Variants in SLC9A7 observed in about 807,000 individuals in gnomAD.
SLC9A7 encodes the protein sodium/hydrogen exchanger 7.
SLC9A7 carries 19 observed loss-of-function variants against 52.6 expected under a neutral mutation model. The ratio of observed to expected loss-of-function variants is 0.36; its 90% CI spans 0.25 to 0.53. The LOEUF (loss-of-function observed/expected upper bound fraction) is 0.53. Among genes scored for constraint, SLC9A7 ranks in the 20% least tolerant of loss-of-function variants. SLC9A7 has a pLI of 0.91. For synonymous variants in SLC9A7, 226 were observed against 252.1 expected (o/e 0.90, Z 0.98); for missense variants, 455 against 597.9 (o/e 0.76, Z 2.49).
chrX:46,649,597 C>A (rs888995522), intron 10 of SLC9A7, among the ~76,000 whole-genome samples: 6 of 112,042 alleles, frequency 5.4e-5, no homozygotes. Flanking sequence ...AGAAGGGAAC[C>A]CCTGTGGGAG....
At chrX:46,633,336 T>TAAAAAACAAAAAAAAA (rs1943253910) in intron 13 of SLC9A7, among the ~76,000 whole-genome samples, 1 of 8,112 alleles carries the variant, frequency 1.2e-4, no homozygotes, top group Non-Finnish European at 2.5e-4. Context: ...TTGCTGCTGC[T>TAAAAAACAAAAAAAAA]AAAAAAAAAA....
intron 5 of SLC9A7, 143 bp from the exon 6 acceptor site, chrX:46,662,786 A>C (rs897002734): frequency 4.5e-6 from 2 of 443,129 alleles, no homozygotes; most frequent in African/African-American, 4.9e-5. Context: ...AGACTTATCT[A>C]TCTGTGGCAG....
At chrX:46,610,333 A>G (rs1660074511) in intron 16 of SLC9A7, among the ~76,000 whole-genome samples, 2 of 112,713 alleles carry the variant, frequency 1.8e-5, no homozygotes, top group South Asian at 7.3e-4. Context: ...GTTTAACGTT[A>G]GTGGAAATAA....
At chrX:46,661,912 C>G in intron 7 of SLC9A7, 104 bp downstream of exon 7, 1 of 747,450 alleles carries the variant, frequency 1.3e-6, no homozygotes, top group Non-Finnish European at 1.9e-6. Context: ...GTGGAACACT[C>G]AATGTAAAAT....
At chrX:46,626,112 G>A (rs996201697) in intron 14 of SLC9A7, among the ~76,000 whole-genome samples, 10 of 111,527 alleles carry the variant, frequency 9.0e-5, no homozygotes, top group African/African-American at 3.3e-4. Flanking sequence ...TTCAAGACCA[G>A]CCCCAACATG....
intron 1 of SLC9A7, among the ~76,000 whole-genome samples, chrX:46,688,512 G>A (rs1044902549): frequency 3.7e-5 from 4 of 108,354 alleles, no homozygotes; most frequent in East Asian, 2.9e-4. Flanking sequence ...CAGGAGAATC[G>A]CTTGAACCTG....
intron 1 of SLC9A7, among the ~76,000 whole-genome samples, chrX:46,753,944 C>T (rs1922429885): frequency 9.2e-6 from 1 of 109,257 alleles, no homozygotes; most frequent in Admixed American, 9.8e-5. Context: ...AGAGATCGCA[C>T]CACTGCACTC....
At chrX:46,689,132 T>TATCTCTTCACA (rs2146887617) in intron 1 of SLC9A7, among the ~76,000 whole-genome samples, 1 of 112,239 alleles carries the variant, frequency 8.9e-6, no homozygotes, top group South Asian at 3.7e-4. Context: ...TCTCTTGTAC[T>TATCTCTTCACA]ATCTCTTCAC....
chrX:46,620,978 T>C lies in SLC9A7; in HGVS notation c.1822A>G (p.Asn608Asp). 8.4e-7 allele frequency: 1 copy of C among 1,191,705 alleles called. No individual in the cohort carries two copies. The highest frequency in any genetic ancestry group is 1.1e-6 in the Non-Finnish European group (1 of 879,689). ...IFRLWYSFDH[N>D]YLKPILTHSG... ...AGGGGATGCTACTTAAAAGGATACTTGTGATCAAAGCTGTACCACAGCCTG... is the reference window on the plus strand; with the variant it reads ...AGGGGATGCTACTTAAAAGGATACTCGTGATCAAAGCTGTACCACAGCCTG... Residue 608 changes from asparagine (N) to aspartate (D), a missense_variant and splice_region_variant, in exon 15 of 17, where the codon AAT becomes GAT. Physicochemically the swap from Asn to Asp is conservative, Grantham distance 23. Coordinates refer to ENST00000616978, the MANE Select transcript of SLC9A7 (RefSeq NM_001257291.2).
intron 4 of SLC9A7, among the ~76,000 whole-genome samples, chrX:46,671,418 T>TGGCG (rs1944019937): frequency 9.4e-6 from 1 of 106,069 alleles, no homozygotes; most frequent in Non-Finnish European, 1.9e-5. Context: ...CCGCCACCAC[T>TGGCG]CCCGGCTAAT....
chrX:46,613,353 G>T lies in SLC9A7; in HGVS notation c.1865C>A (p.Thr622Asn), dbSNP rs556773552. 1 of 1,207,068 alleles carries T rather than the reference G, an allele frequency of 8.3e-7. No individual in the cohort carries two copies. Among genetic ancestry groups the T allele is most frequent in the African/African-American group, 1.7e-5 (1 of 57,657 alleles). ...PILTHSGPPLTTTLPAWCGLL... is the reference protein window; with the variant it reads ...PILTHSGPPLNTTLPAWCGLL... Reference sequence around the variant, plus strand: ...GCCACACCAGGCGGGGAGCGTGGTGGTTAGTGGGGGACCACTGTGTGTGAG... The same window carrying T: ...GCCACACCAGGCGGGGAGCGTGGTGTTTAGTGGGGGACCACTGTGTGTGAG... Residue 622 changes from threonine to asparagine, a missense_variant, in exon 16 of 17, where the codon ACC becomes AAC. Around this residue, in one of 3 missense-constraint regions of SLC9A7, gnomAD observed 146 missense variants for 160.5 expected, o/e 0.91. Coordinates refer to ENST00000616978, the MANE Select transcript of SLC9A7 (RefSeq NM_001257291.2).
intron 1 of SLC9A7, among the ~76,000 whole-genome samples, chrX:46,750,234 C>A (rs1177779163): frequency 8.9e-6 from 1 of 112,055 alleles, no homozygotes. Context: ...TGAGTTCATC[C>A]TTTAATAGAT....
intron 1 of SLC9A7, among the ~76,000 whole-genome samples, chrX:46,720,425 G>T (rs1333827978): frequency 9.1e-6 from 1 of 110,086 alleles, no homozygotes; most frequent in African/African-American, 3.3e-5. Context: ...TGGATTTTCT[G>T]CAGTCGTTTC....
intron 11 of SLC9A7, chrX:46,646,773 C>T (rs779440798): frequency 1.7e-4 from 56 of 321,004 alleles, no homozygotes; most frequent in Non-Finnish European, 2.9e-4. Context: ...TTGACAATGC[C>T]GGGGAAGCTG....
intron 4 of SLC9A7, among the ~76,000 whole-genome samples, chrX:46,670,770 C>G (rs1944006341): frequency 8.9e-6 from 1 of 112,164 alleles, no homozygotes; most frequent in African/African-American, 3.2e-5. Flanking sequence ...GTGCCAGACA[C>G]TGTTCTAGAC....
At chrX:46,692,365 T>C (rs1243643326) in intron 1 of SLC9A7, among the ~76,000 whole-genome samples, 2 of 111,079 alleles carry the variant, frequency 1.8e-5, no homozygotes, top group Non-Finnish European at 3.8e-5. Flanking sequence ...GAATGAGATA[T>C]GAAGCCCACC....
At chrX:46,697,177 T>C (rs1383927665) in intron 1 of SLC9A7, among the ~76,000 whole-genome samples, 4 of 112,267 alleles carry the variant, frequency 3.6e-5, no homozygotes, top group African/African-American at 1.3e-4. Flanking sequence ...AAAAACTGAA[T>C]ACAATTTTGA....
intron 13 of SLC9A7, among the ~76,000 whole-genome samples, chrX:46,633,941 G>A (rs1478304381): frequency 1.8e-5 from 2 of 111,358 alleles, no homozygotes; most frequent in Non-Finnish European, 3.8e-5. Context: ...CAAAGTGCTG[G>A]GATTACAGGC....
intron 15 of SLC9A7, among the ~76,000 whole-genome samples, chrX:46,616,863 A>G (rs1434681374): frequency 9.0e-6 from 1 of 111,665 alleles, no homozygotes; most frequent in Non-Finnish European, 1.9e-5. Flanking sequence ...TATCTTTGGA[A>G]ACCTCAAAGA....
Sources: allele counts gnomAD v4.1 joint callset (sites outside exome capture counted in the v4.1 genomes callset), GRCh38; gene constraint gnomAD v4.1.1; regional missense constraint gnomAD v4.1.1; transcripts MANE v1.5; gene names NCBI Gene and HGNC (gene_info 2026-07-23, HGNC 2026-07-21).